TCF25: variants seen among roughly 807,000 people sequenced by gnomAD.
TCF25 encodes the protein ribosome quality control complex subunit TCF25.
In TCF25, 41 loss-of-function variants were observed where a neutral mutation model predicts 83.1. The observed-to-expected ratio is 0.49, with a 90% CI of 0.38 to 0.64. The LOEUF is 0.64. TCF25 is among the 30% of genes least tolerant of loss of function. The pLI is 0.00. For synonymous variants in TCF25, 458 were observed against 365.0 expected, an observed-to-expected ratio of 1.25 and a Z score of -2.90; for missense variants, 979 against 914.5, an observed-to-expected ratio of 1.07 and a Z score of -0.91.
chr16:89,907,500 T>A (rs943889383), intron 16 of TCF25, among the ~76,000 whole-genome samples, 178 bp downstream of exon 16: 1,474 of 7,332 alleles, frequency 0.2, 64 homozygotes, highest in African/African-American at 0.38. Context: ...CCCACCTCCC[T>A]CCTCCCACCT....
In TCF25 at chr16:89,911,230, T is replaced by C; in HGVS notation, c.2023T>C (p.Trp675Arg). The change falls in exon 18 of 18, where the codon TGG becomes CGG. Residue 675 changes from tryptophan (W) to arginine (R), a missense_variant. Trp to Arg is a moderately radical substitution (Grantham distance 101). Transcript: ENST00000263346. ...HEDDAEGEGEWD is the reference protein window; with the variant it reads ...HEDDAEGEGERD ...GGACGACGCTGAGGGGGAGGGGGAG[T>C]GGGACTGAGCGTCCGCAGAGGTGAC... 6 of 1,610,926 alleles carry C rather than the reference T, an allele frequency of 3.7e-6. No homozygotes were observed. The highest frequency in any genetic ancestry group is 5.1e-6 in the Non-Finnish European group (6 of 1,179,580).
intron 16 of TCF25, 147 bp from the exon 17 acceptor site, chr16:89,910,444 C>T (rs2045468029): frequency 1.4e-6 from 1 of 740,700 alleles, no homozygotes; most frequent in Non-Finnish European, 2.3e-6. Context: ...GAATCCAGGG[C>T]CTGTGCTCAG....
At chr16:89,907,211 G>A in intron 15 of TCF25, 32 bp from the exon 16 acceptor site, 1 of 1,609,980 alleles carries the variant, frequency 6.2e-7, no homozygotes. Flanking sequence ...GGCAGCATCT[G>A]TAGCATCTTC....
chr16:89,875,569 C>G (rs1471669611), intron 1 of TCF25, among the ~76,000 whole-genome samples: 1 of 124,210 alleles, frequency 8.1e-6, no homozygotes, highest in Non-Finnish European at 1.6e-5. Flanking sequence ...GTCGCCCAGG[C>G]TGGAGTGCAG....
At chr16:89,905,748 G>A (rs574210356) in intron 14 of TCF25, among the ~76,000 whole-genome samples, 2 of 152,336 alleles carry the variant, frequency 1.3e-5, no homozygotes, top group East Asian at 1.9e-4. Flanking sequence ...CGTGTCTGCT[G>A]TCCCCACTGG....
At chr16:89,884,267 C>T (rs565484484) in intron 2 of TCF25, among the ~76,000 whole-genome samples, 6 of 152,210 alleles carry the variant, frequency 3.9e-5, no homozygotes, top group Admixed American at 2.0e-4. Flanking sequence ...GCAAGGCCCC[C>T]GTCTTCAGGG....
chr16:89,885,625 A>G (rs1485948288), intron 3 of TCF25, among the ~76,000 whole-genome samples: 1 of 152,148 alleles, frequency 6.6e-6, no homozygotes, highest in African/African-American at 2.4e-5. Context: ...AGTTTTTTCT[A>G]GGGTCCTTCT....
chr16:89,894,951 G>T (rs2043735068), intron 7 of TCF25, 87 bp from the exon 8 acceptor site: 1 of 1,234,764 alleles, frequency 8.1e-7, no homozygotes, highest in Middle Eastern at 2.2e-4. Context: ...AGCCTCCGCT[G>T]GTTTTAAATG....
At chr16:89,909,066 T>C in intron 16 of TCF25, 2 of 1,289,482 alleles carry the variant, frequency 1.6e-6, no homozygotes, top group South Asian at 1.2e-5. Flanking sequence ...AGCGCTTGCG[T>C]GTCGGCCTCT....
rs374562268 is a variant in TCF25, at chr16:89,892,281, G to A, written c.697+6G>A. 1.2e-6 allele frequency: 2 copies of A among 1,609,700 alleles called. No individual in the cohort carries two copies. Among genetic ancestry groups the A allele is most frequent in the Non-Finnish European group, 1.7e-6 (2 of 1,178,404 alleles). On this transcript the variant is annotated splice_donor_region_variant and intron_variant, in intron 6 of 17. Coordinates refer to ENST00000263346, the MANE Select transcript of TCF25 (RefSeq NM_014972.3). ...GCCCCGCTACAGCAAACCAGGTGAGGGTCTGCAGATGCTGCTGGGGATGGA... is the reference window on the plus strand; with the variant it reads ...GCCCCGCTACAGCAAACCAGGTGAGAGTCTGCAGATGCTGCTGGGGATGGA...
chr16:89,884,707 T>A (rs2042852371), intron 3 of TCF25, 51 bp downstream of exon 3: 1 of 1,559,686 alleles, frequency 6.4e-7, no homozygotes, highest in African/African-American at 1.4e-5. Flanking sequence ...GACGCCCCTC[T>A]CCCTCTGCCT....
intron 12 of TCF25, 21 bp from the exon 13 acceptor site, chr16:89,904,097 G>T: frequency 6.3e-7 from 1 of 1,596,864 alleles, no homozygotes; most frequent in Non-Finnish European, 8.5e-7. Flanking sequence ...GGCCCCCACA[G>T]AGCCTCCGCT....
rs780058459 is a variant in TCF25, at chr16:89,905,116, A to G, written c.1628+20A>G. 1.9e-6 allele frequency: 3 copies of G among 1,558,830 alleles called. No homozygotes were observed. Among genetic ancestry groups the G allele is most frequent in the Admixed American group, 1.9e-5 (1 of 53,568 alleles). On this transcript the variant is annotated intron_variant, in intron 14 of 17. Transcript: ENST00000263346. ...GAACCGGTGAGCTAGGGGTTGACAC[A>G]AGCCCTGCCACGCCCCCTCCTCAGG...
At chr16:89,875,554 G>A (rs1219156453) in intron 1 of TCF25, among the ~76,000 whole-genome samples, 103 of 115,156 alleles carry the variant, frequency 8.9e-4, no homozygotes, top group Non-Finnish European at 1.1e-3. Context: ...ATGGAGTCTC[G>A]CTCTGTCGCC....
chr16:89,892,161 G>C, intron 5 of TCF25, 32 bp from the exon 6 acceptor site: 5 of 1,571,580 alleles, frequency 3.2e-6, no homozygotes, highest in Non-Finnish European at 4.3e-6. Context: ...GCCACAGGAA[G>C]TAAAGCTGTA....
intron 1 of TCF25, among the ~76,000 whole-genome samples, chr16:89,877,150 G>C (rs1311752191): frequency 6.6e-6 from 1 of 151,968 alleles, no homozygotes; most frequent in African/African-American, 2.4e-5. Context: ...AATAATTATG[G>C]ATTTGTCTAT....
At position 89,900,747 on chromosome 16, in the gene TCF25, A is replaced by C. The variant is rs1256405801; in HGVS notation, c.1334A>C (p.Gln445Pro). 3.1e-6 allele frequency: 5 copies of C among 1,597,856 alleles called. No homozygotes were observed. The South Asian group carries it at 5.5e-5, about 18-fold the overall frequency. ...LPECEQSSAR[Q>P]KASLLIQQAL... ...GAGTGTGAGCAGAGCTCTGCCAGGC[A>C]GAAGGCCTCTCTCCTGATACAGCAG... The change falls in exon 12 of 18, where the codon CAG becomes CCG. Residue 445 changes from glutamine (Q) to proline (P), a missense_variant. Transcript: ENST00000263346.
chr16:89,903,792 G>A lies in TCF25; in HGVS notation c.1382-326G>A, dbSNP rs1163302033. ...AACGCACTCCAGCCTGAGCAACAGA[G>A]TGAGACCCTGTCTCAGAAAAACAAA... On this transcript the variant is annotated intron_variant, in intron 12 of 17. Transcript: ENST00000263346. Among the ~76,000 whole-genome samples the A allele has an allele frequency of 2.6e-5, 4 of 152,154 alleles. No individual in the cohort carries two copies. The East Asian group carries it at 7.7e-4, about 29-fold the overall frequency.
At chr16:89,887,826 A>G in intron 5 of TCF25, 109 bp downstream of exon 5, 1 of 1,034,398 alleles carries the variant, frequency 9.7e-7, no homozygotes, top group Non-Finnish European at 1.4e-6. Flanking sequence ...GAGTATTTAA[A>G]GCCAGAGTGC....
Sources: allele counts gnomAD v4.1 joint callset (sites outside exome capture counted in the v4.1 genomes callset), GRCh38; gene constraint gnomAD v4.1.1; transcripts MANE v1.5; gene names NCBI Gene and HGNC (gene_info 2026-07-23, HGNC 2026-07-21).